The following LDB2 variants were observed in gnomAD, a reference collection of about 807,000 sequenced individuals.
LDB2 encodes LIM domain-binding protein 2.
LDB2 carries 12 observed loss-of-function variants against 44.3 expected under a neutral mutation model. The ratio of observed to expected loss-of-function variants is 0.27; its 90% CI spans 0.17 to 0.44. The LOEUF (loss-of-function observed/expected upper bound fraction) is 0.44. Among genes scored for constraint, LDB2 ranks in the 20% least tolerant of loss-of-function variants. The pLI is 1.00. For synonymous variants in LDB2, 164 were observed against 174.8 expected (o/e 0.94, Z 0.49); for missense variants, 344 against 473.5 (o/e 0.73, Z 2.54).
intron 1 of LDB2, among the ~76,000 whole-genome samples, chr4:16,799,269 T>A (rs1437119792): frequency 6.6e-6 from 1 of 152,150 alleles, no homozygotes; most frequent in Non-Finnish European, 1.5e-5. Flanking sequence ...TAGAAAGAAG[T>A]CTCCCCAACT....
chr4:16,529,035 G>A lies in LDB2; in HGVS notation c.616-16931C>T, dbSNP rs145281617. 4.8e-3 allele frequency among the ~76,000 whole-genome samples: 728 copies of A among 152,212 alleles called. 6 individuals carry two copies. The highest frequency in any genetic ancestry group is 0.017 in the African/African-American group (689 of 41,524). ...TGATGACTATAAAACTCTTTTAGAA[G>A]CTTAATAAATCACTACCTCTAATCA... is the stretch of plus-strand genomic sequence containing the variant. On this transcript the variant is annotated intron_variant, in intron 5 of 7. Coordinates refer to ENST00000304523, the MANE Select transcript of LDB2 (RefSeq NM_001290.5).
chr4:16,623,587 ACT>A lies in LDB2; in HGVS notation c.236-27714_236-27713del, dbSNP rs1427898463. ...ACTGTAGCGTGGCTGACAGAGCAAGACTCTGTCTCAAAAATAAATAAATAAAT... is the reference window on the plus strand; with the variant it reads ...ACTGTAGCGTGGCTGACAGAGCAAGACTGTCTCAAAAATAAATAAATAAAT... On this transcript the variant is annotated intron_variant, in intron 2 of 7. Transcript: ENST00000304523. Among the ~76,000 whole-genome samples the A allele has an allele frequency of 2.0e-5, 3 of 149,834 alleles. No individual in the cohort carries two copies. In the East Asian group the frequency reaches 6.0e-4, roughly 30 times the overall value.
intron 2 of LDB2, among the ~76,000 whole-genome samples, chr4:16,612,059 C>A (rs1463291605): frequency 6.6e-6 from 1 of 152,134 alleles, no homozygotes; most frequent in Non-Finnish European, 1.5e-5. Flanking sequence ...GATTAAGAAA[C>A]TCAGTAAAAA....
chr4:16,509,338 T>C (rs1418356595), intron 6 of LDB2, among the ~76,000 whole-genome samples: 2 of 152,082 alleles, frequency 1.3e-5, no homozygotes, highest in Non-Finnish European at 2.9e-5. Flanking sequence ...AATTCCAAAA[T>C]TGCTAGAAAA....
intron 3 of LDB2, among the ~76,000 whole-genome samples, chr4:16,592,160 A>AG (rs958638665): frequency 7.9e-5 from 12 of 152,214 alleles, no homozygotes; most frequent in African/African-American, 2.7e-4. Flanking sequence ...AGACTAGGCC[A>AG]GGAACAAGAA....
At chr4:16,534,783 G>T (rs1353364862) in intron 5 of LDB2, among the ~76,000 whole-genome samples, 1 of 152,146 alleles carries the variant, frequency 6.6e-6, no homozygotes, top group African/African-American at 2.4e-5. Flanking sequence ...ATGAACTTCT[G>T]TAGGGTCTCC....
chr4:16,604,370 C>T (rs1222490744), intron 2 of LDB2, among the ~76,000 whole-genome samples: 1 of 151,752 alleles, frequency 6.6e-6, no homozygotes, highest in Non-Finnish European at 1.5e-5. Context: ...ATCCACTATT[C>T]CCAAATATTG....
chr4:16,798,829 C>T (rs1257704519), intron 1 of LDB2, among the ~76,000 whole-genome samples: 1 of 152,196 alleles, frequency 6.6e-6, no homozygotes, highest in Non-Finnish European at 1.5e-5. Context: ...GCTTATTCAG[C>T]ATGACTGGGG....
At chr4:16,599,713 A>C (rs998054209) in intron 2 of LDB2, among the ~76,000 whole-genome samples, 8 of 152,244 alleles carry the variant, frequency 5.3e-5, no homozygotes, top group Admixed American at 1.3e-4. Context: ...AATGGGACAG[A>C]CAGCCAGAAC....
intron 2 of LDB2, chr4:16,674,331 C>G: frequency 8.4e-7 from 1 of 1,193,302 alleles, no homozygotes; most frequent in South Asian, 1.3e-5. Context: ...TGCAGAAAGA[C>G]AGTGCTCTTT....
At chr4:16,591,218 T>C (rs1578050963) in intron 3 of LDB2, among the ~76,000 whole-genome samples, 1 of 152,232 alleles carries the variant, frequency 6.6e-6, no homozygotes, top group South Asian at 2.1e-4. Flanking sequence ...GTGAAGGGTC[T>C]GGTTTACTTC....
intron 2 of LDB2, among the ~76,000 whole-genome samples, chr4:16,709,516 G>C (rs2152656050): frequency 6.6e-6 from 1 of 152,244 alleles, no homozygotes; most frequent in East Asian, 1.9e-4. Flanking sequence ...AATATTCATT[G>C]AACACACTCA....
intron 2 of LDB2, among the ~76,000 whole-genome samples, chr4:16,614,799 G>C (rs1267370071): frequency 9.9e-5 from 15 of 151,746 alleles, no homozygotes; most frequent in Non-Finnish European, 2.1e-4. Context: ...GGCCGGGCGC[G>C]GTGGCTCACG....
chr4:16,531,013 T>G (rs1376891250), intron 5 of LDB2, among the ~76,000 whole-genome samples: 1 of 152,208 alleles, frequency 6.6e-6, no homozygotes, highest in Non-Finnish European at 1.5e-5. Context: ...CATTGGTGTT[T>G]TCTAGAGGGG....
intron 5 of LDB2, among the ~76,000 whole-genome samples, chr4:16,565,478 T>A (rs1436183325): frequency 6.6e-6 from 1 of 152,098 alleles, no homozygotes; most frequent in Admixed American, 6.6e-5. Context: ...AGAATAAGAA[T>A]AGATATTACC....
intron 5 of LDB2, 85 bp from the exon 6 acceptor site, chr4:16,512,189 A>C: frequency 8.1e-7 from 1 of 1,237,646 alleles, no homozygotes; most frequent in Non-Finnish European, 1.1e-6. Context: ...AATCAAGTAG[A>C]CAGCTTTGAG....
chr4:16,851,264 G>A (rs1007772678), intron 1 of LDB2, among the ~76,000 whole-genome samples: 6 of 151,998 alleles, frequency 3.9e-5, no homozygotes, highest in Non-Finnish European at 8.8e-5. Context: ...AAGCAGGTAC[G>A]AGTCAGGAGG....
intron 5 of LDB2, among the ~76,000 whole-genome samples, chr4:16,579,228 G>A (rs547110974): frequency 2.0e-5 from 3 of 152,256 alleles, no homozygotes; most frequent in East Asian, 3.9e-4. Flanking sequence ...GATGGATACC[G>A]TATTTACCTT....
intron 2 of LDB2, among the ~76,000 whole-genome samples, chr4:16,700,366 A>G (rs1753178882): frequency 6.6e-6 from 1 of 152,216 alleles, no homozygotes; most frequent in African/African-American, 2.4e-5. Context: ...AAATGTTTTA[A>G]AATATTATAT....
Sources: allele counts gnomAD v4.1 joint callset (sites outside exome capture counted in the v4.1 genomes callset), GRCh38; gene constraint gnomAD v4.1.1; transcripts MANE v1.5; gene names NCBI Gene and HGNC (gene_info 2026-07-23, HGNC 2026-07-21).